Variants in CHURC1 observed in about 807,000 individuals in gnomAD.
CHURC1 encodes churchill domain containing 1.
A neutral mutation model predicts 15.4 loss-of-function variants in CHURC1; 12 were observed. The ratio of observed to expected loss-of-function variants is 0.78; its 90% confidence interval spans 0.50 to 1.27. The LOEUF (loss-of-function observed/expected upper bound fraction) is 1.27, where lower values mean the gene tolerates loss of function less well. CHURC1 is among the 50% of genes most tolerant of loss of function. CHURC1 has a pLI of 0.00. For synonymous variants in CHURC1, 42 were observed against 47.5 expected (o/e 0.88, Z 0.48); for missense variants, 132 against 137.8 (o/e 0.96, Z 0.21).
intron 3 of CHURC1, among the ~76,000 whole-genome samples, chr14:64,931,189 T>C (rs910408328): frequency 2.6e-5 from 4 of 152,254 alleles, no homozygotes; most frequent in African/African-American, 4.8e-5. Flanking sequence ...CAAAGAAATA[T>C]GTCTCTGTAG....
intron 2 of CHURC1, 151 bp downstream of exon 2, chr14:64,924,277 A>C: frequency 1.1e-6 from 1 of 872,570 alleles, no homozygotes; most frequent in Non-Finnish European, 1.5e-6. Context: ...TGTCATTAAC[A>C]CCTCATTTAT....
At chr14:64,929,056 A>G (rs1166475757) in intron 3 of CHURC1, among the ~76,000 whole-genome samples, 2 of 151,638 alleles carry the variant, frequency 1.3e-5, no homozygotes, top group Non-Finnish European at 2.9e-5. Flanking sequence ...ACCACACCTC[A>G]TGTCAAGGAC....
chr14:64,931,893 A>G (rs1019659569), intron 3 of CHURC1, among the ~76,000 whole-genome samples: 2 of 152,262 alleles, frequency 1.3e-5, no homozygotes, highest in Non-Finnish European at 2.9e-5. Context: ...TAAGCTAAAT[A>G]TATGTGCTTT....
chr14:64,915,186 G>C (rs1883783784), intron 1 of CHURC1, among the ~76,000 whole-genome samples: 1 of 152,176 alleles, frequency 6.6e-6, no homozygotes, highest in Non-Finnish European at 1.5e-5. Flanking sequence ...CTCTCTTTGA[G>C]ACAGGGTGCT....
chr14:64,923,202 G>C (rs1884439486), intron 1 of CHURC1, among the ~76,000 whole-genome samples: 1 of 144,290 alleles, frequency 6.9e-6, no homozygotes, highest in Admixed American at 7.1e-5. Flanking sequence ...GGAGGCTGAG[G>C]TGGGAAGATC....
intron 3 of CHURC1, 59 bp from the exon 4 acceptor site, chr14:64,932,079 G>A (rs1885107411): frequency 6.3e-7 from 1 of 1,580,052 alleles, no homozygotes; most frequent in Non-Finnish European, 8.6e-7. Flanking sequence ...ACTAGAGTAA[G>A]TTATAAAGCA....
chr14:64,924,355 AT>A (rs1187663169), intron 2 of CHURC1: 29 of 364,870 alleles, frequency 7.9e-5, no homozygotes, highest in South Asian at 1.1e-4. Flanking sequence ...CAGGAACTGA[AT>A]TTTTTTTGTT....
At chr14:64,924,266 A>T (rs1268550216) in intron 2 of CHURC1, 140 bp downstream of exon 2, 1 of 1,013,240 alleles carries the variant, frequency 9.9e-7, no homozygotes, top group Non-Finnish European at 1.3e-6. Flanking sequence ...TAAGAGGAAA[A>T]TGTCATTAAC....
At chr14:64,929,901 G>A (rs1271732847) in intron 3 of CHURC1, among the ~76,000 whole-genome samples, 1 of 150,990 alleles carries the variant, frequency 6.6e-6, no homozygotes, top group African/African-American at 2.4e-5. Flanking sequence ...AATTATTATA[G>A]GTATCCTTTA....
At chr14:64,917,109 T>C (rs1028347016) in intron 1 of CHURC1, among the ~76,000 whole-genome samples, 1 of 152,162 alleles carries the variant, frequency 6.6e-6, no homozygotes, top group African/African-American at 2.4e-5. Context: ...AACAGTGGTG[T>C]AGGCATGAGA....
chr14:64,925,880 G>T (rs1455992443), intron 2 of CHURC1, 130 bp from the exon 3 acceptor site: 29 of 563,288 alleles, frequency 5.1e-5, no homozygotes, highest in Non-Finnish European at 8.3e-5. Context: ...ACTATAATGG[G>T]TTTCCTCCTA....
rs922891177 is a variant in CHURC1 at position 64,932,759 on chromosome 14, C to T, written c.*529C>T. 3.9e-5 allele frequency: 6 copies of T among 152,260 alleles called. No individual in the cohort carries two copies. The East Asian group carries it at 7.7e-4, about 20-fold the overall frequency. 9.4% of individuals were successfully genotyped at this position (152,260 alleles called of 1,614,324 possible). A position where few individuals can be genotyped will look rare whatever the true frequency, so the allele number is the denominator to read the frequency against. On this transcript the variant is annotated 3_prime_UTR_variant, in exon 4 of 4. Transcript: ENST00000549115. ...AATAAAGTAGTATTGGGTTATAACC[C>T]AAACTATATAATAAATATTTACAAG...
At chr14:64,924,699 G>A (rs553957918) in intron 2 of CHURC1, among the ~76,000 whole-genome samples, 9 of 151,462 alleles carry the variant, frequency 5.9e-5, no homozygotes, top group African/African-American at 1.5e-4. Context: ...CCTTCTTCTC[G>A]TCCTCAATAC....
chr14:64,915,962 T>C (rs936713206), intron 1 of CHURC1, among the ~76,000 whole-genome samples: 130 of 152,312 alleles, frequency 8.5e-4, no homozygotes, highest in African/African-American at 2.7e-3. Context: ...AGAGACATTT[T>C]TTGGGTGTCA....
rs575446365 is a variant in CHURC1 at position 64,932,451 on chromosome 14, G to A, written c.*221G>A. On this transcript the variant is annotated 3_prime_UTR_variant, in exon 4 of 4. Transcript: ENST00000549115. ...AAGTTCACATCAGTGTAGCCAGAGT[G>A]AAGCATCTTTGTTAGCAGTTATGTG... The A allele has an allele frequency of 8.0e-7, 1 of 1,254,314 alleles. No individual in the cohort carries two copies. Among genetic ancestry groups the A allele is most frequent in the Non-Finnish European group, 1.0e-6 (1 of 994,628 alleles). The allele number at this position is 1,254,314 out of a possible 1,614,324, so 77.7% of individuals were successfully genotyped here.
chr14:64,915,781 T>C (rs1205910699), intron 1 of CHURC1, among the ~76,000 whole-genome samples: 1 of 152,252 alleles, frequency 6.6e-6, no homozygotes, highest in African/African-American at 2.4e-5. Context: ...TGAAGACTTT[T>C]ATAAATAAGT....
intron 1 of CHURC1, among the ~76,000 whole-genome samples, chr14:64,917,930 G>T (rs929184112): frequency 6.6e-6 from 1 of 152,194 alleles, no homozygotes. Context: ...TTCACCTGAG[G>T]TTGAGAATAT....
intron 1 of CHURC1, among the ~76,000 whole-genome samples, chr14:64,923,273 C>CAAAAAAAAAAAAAAAAAA (rs563823780): frequency 9.7e-6 from 1 of 103,334 alleles, no homozygotes; most frequent in Non-Finnish European, 2.0e-5. Context: ...TCTCAATTAC[C>CAAAAAAAAAAAAAAAAAA]AAAAAAAAAA....
At chr14:64,926,183 C>T (rs1286060483) in intron 3 of CHURC1, 103 bp downstream of exon 3, 10 of 572,430 alleles carry the variant, frequency 1.7e-5, no homozygotes, top group Admixed American at 6.4e-5. Flanking sequence ...AAGTGCAAAG[C>T]GTTAGCATAT....
Sources: allele counts gnomAD v4.1 joint callset (sites outside exome capture counted in the v4.1 genomes callset), GRCh38; gene constraint gnomAD v4.1.1; transcripts MANE v1.5; gene names NCBI Gene and HGNC (gene_info 2026-07-23, HGNC 2026-07-21).